The following VAC14 variants were observed in gnomAD, a reference collection of about 807,000 sequenced individuals.
The protein encoded by VAC14 is VAC14 component of PIKFYVE complex, also known as protein VAC14 homolog.
A neutral mutation model predicts 85.3 loss-of-function variants in VAC14; 47 were observed. The ratio of observed to expected loss-of-function variants is 0.55; its 90% CI spans 0.44 to 0.70. The LOEUF (loss-of-function observed/expected upper bound fraction) is 0.70. Among genes scored for constraint, VAC14 ranks in the 30% least tolerant of loss-of-function variants. The pLI is 0.00. For synonymous variants in VAC14, 447 were observed against 430.5 expected, an observed-to-expected ratio of 1.04 and a Z score of -0.47; for missense variants, 861 against 1,004.3, an observed-to-expected ratio of 0.86 and a Z score of 1.93.
intron 6 of VAC14, 54 bp downstream of exon 6, chr16:70,783,391 G>T: frequency 6.4e-7 from 1 of 1,568,196 alleles, no homozygotes; most frequent in South Asian, 1.1e-5. Flanking sequence ...GAAGCACATG[G>T]GCACAGCTGG....
intron 5 of VAC14, 108 bp downstream of exon 5, chr16:70,784,005 A>G (rs2143265106): frequency 1.1e-6 from 1 of 870,606 alleles, no homozygotes; most frequent in Admixed American, 2.1e-5. Context: ...ATGGCTATTC[A>G]AGGGAGAACA....
chr16:70,788,869 C>G (rs375050300), intron 1 of VAC14, among the ~76,000 whole-genome samples: 38 of 152,356 alleles, frequency 2.5e-4, no homozygotes, highest in African/African-American at 6.5e-4. Context: ...CTGCAGCAGC[C>G]AAGGGTGCCC....
intron 12 of VAC14, among the ~76,000 whole-genome samples, chr16:70,760,304 T>C (rs938133645): frequency 3.3e-5 from 5 of 152,170 alleles, no homozygotes; most frequent in Non-Finnish European, 7.3e-5. Flanking sequence ...GGGCACTTTC[T>C]AGATATCCTA....
intron 12 of VAC14, among the ~76,000 whole-genome samples, chr16:70,754,675 A>G (rs1426057637): frequency 6.6e-6 from 1 of 152,160 alleles, no homozygotes; most frequent in South Asian, 2.1e-4. Flanking sequence ...TCTCCCCTGC[A>G]GGCTGGGCTC....
At chr16:70,764,475 C>G (rs918076870) in intron 10 of VAC14, among the ~76,000 whole-genome samples, 2 of 152,158 alleles carry the variant, frequency 1.3e-5, no homozygotes, top group African/African-American at 4.8e-5. Flanking sequence ...GAGTCTAGGG[C>G]GGTAAACACT....
chr16:70,791,901 C>T (rs1441568533), intron 1 of VAC14, among the ~76,000 whole-genome samples: 1 of 152,182 alleles, frequency 6.6e-6, no homozygotes, highest in Non-Finnish European at 1.5e-5. Context: ...CAAACCCAAA[C>T]CTAACCTGCT....
chr16:70,768,124 A>G (rs1399401271), intron 10 of VAC14, among the ~76,000 whole-genome samples: 1 of 152,170 alleles, frequency 6.6e-6, no homozygotes, highest in Non-Finnish European at 1.5e-5. Flanking sequence ...GGGCTCAAGC[A>G]ACCAGCCTGC....
chr16:70,720,570 TG>T (rs1387069622), intron 14 of VAC14, among the ~76,000 whole-genome samples: 1 of 152,160 alleles, frequency 6.6e-6, no homozygotes, highest in East Asian at 1.9e-4. Flanking sequence ...TGGGAAGGGC[TG>T]GGAGTTGTCA....
intron 14 of VAC14, among the ~76,000 whole-genome samples, chr16:70,730,594 CT>C (rs34654239): frequency 0.1 from 11,167 of 106,458 alleles, 272 homozygotes; most frequent in Non-Finnish European, 0.13. Flanking sequence ...GAGGCCCAGG[CT>C]TTTTTTTTTT....
intron 10 of VAC14, among the ~76,000 whole-genome samples, chr16:70,763,533 G>A (rs1179080459): frequency 6.6e-6 from 1 of 152,186 alleles, no homozygotes; most frequent in Admixed American, 6.5e-5. Flanking sequence ...CCCTTCACCG[G>A]CCATCTGAAG....
intron 13 of VAC14, among the ~76,000 whole-genome samples, chr16:70,735,976 G>C (rs1261594808): frequency 6.6e-6 from 1 of 152,252 alleles, no homozygotes; most frequent in Non-Finnish European, 1.5e-5. Flanking sequence ...TGTTGAGACA[G>C]CCCTGCCTCA....
At position 70,687,630 on chromosome 16, in the gene VAC14, A is replaced by C; in HGVS notation, c.*298T>G. ...AGGAGGGGCAAGCTCTTTTTCCAAG[A>C]GGGTATTAGAAAGAGGTTGATTCCA... On this transcript the variant is annotated 3_prime_UTR_variant, in exon 19 of 19. Transcript: ENST00000261776. The C allele has an allele frequency of 3.4e-6, 1 of 296,392 alleles. No individual in the cohort carries two copies. The highest frequency in any genetic ancestry group is 6.2e-6 in the Non-Finnish European group (1 of 160,612). 18.4% of individuals were successfully genotyped at this position (296,392 alleles called of 1,614,324 possible). A position where few individuals can be genotyped will look rare whatever the true frequency, so the allele number is the denominator to read the frequency against.
Position 70,731,494 on chromosome 16 carries a change from C to T in VAC14, c.1661+1G>A. The stretch of plus-strand genomic sequence containing the variant: ...GGAGAAAGCGCGCCGCCAAGGCTGA[C>T]CTGATGATGAAAGGGCCTCTGACCT... On this transcript the variant is annotated splice_donor_variant, in intron 14 of 18. Coordinates refer to ENST00000261776, the MANE Select transcript of VAC14 (RefSeq NM_018052.5). LOFTEE classifies it high-confidence loss of function. 1 of 1,613,564 alleles carries T rather than the reference C, an allele frequency of 6.2e-7. No individual in the cohort carries two copies. Among genetic ancestry groups the T allele is most frequent in the Non-Finnish European group, 8.5e-7 (1 of 1,179,666 alleles).
intron 12 of VAC14, among the ~76,000 whole-genome samples, chr16:70,755,735 G>A (rs115307032): frequency 0.019 from 2,828 of 152,318 alleles, 86 homozygotes; most frequent in African/African-American, 0.063. Flanking sequence ...AAGCTGCAGC[G>A]GGGGTGGTGG....
intron 18 of VAC14, chr16:70,690,482 C>T (rs2053576999): frequency 1.0e-6 from 1 of 985,648 alleles, no homozygotes; most frequent in Non-Finnish European, 1.2e-6. Flanking sequence ...GCACCTGTTG[C>T]CAGCTTTTTC....
chr16:70,693,209 T>A (rs2053634477), intron 17 of VAC14, among the ~76,000 whole-genome samples: 1 of 152,188 alleles, frequency 6.6e-6, no homozygotes, highest in South Asian at 2.1e-4. Flanking sequence ...GCCGTTTCCA[T>A]GATCTCATCT....
At chr16:70,734,649 A>G (rs556573619) in intron 13 of VAC14, among the ~76,000 whole-genome samples, 1 of 152,170 alleles carries the variant, frequency 6.6e-6, no homozygotes, top group Non-Finnish European at 1.5e-5. Flanking sequence ...ATCCTTTTGC[A>G]TATGGATATC....
intron 12 of VAC14, among the ~76,000 whole-genome samples, chr16:70,760,609 C>T (rs2032251003): frequency 3.9e-5 from 6 of 152,158 alleles, no homozygotes; most frequent in Admixed American, 3.3e-4. Context: ...ACAAGACGTG[C>T]CCCAAAACCC....
At chr16:70,780,994 T>G in intron 8 of VAC14, 55 bp from the exon 9 acceptor site, 1 of 1,604,010 alleles carries the variant, frequency 6.2e-7, no homozygotes, top group Non-Finnish European at 8.5e-7. Flanking sequence ...TCTCTCTAAA[T>G]CTCTTGCTGA....
Sources: gnomAD v4.1 joint callset for allele counts (sites outside exome capture counted in the v4.1 genomes callset) on GRCh38, gnomAD v4.1.1 for gene constraint, MANE v1.5 for transcripts, NCBI Gene and HGNC (gene_info 2026-07-23, HGNC 2026-07-21) for gene names.